The following SUGCT variants were observed in gnomAD, a reference collection of about 807,000 sequenced individuals.
SUGCT encodes the protein succinyl-CoA:glutarate-CoA transferase, also known as succinyl-CoA:glutarate CoA-transferase.
SUGCT carries 41 observed loss-of-function variants against 55.0 expected under a neutral mutation model. The ratio of observed to expected loss-of-function variants is 0.74; its 90% CI spans 0.58 to 0.97. The LOEUF is 0.97. Among genes scored for constraint, SUGCT ranks in the 50% least tolerant of loss-of-function variants. The probability of loss-of-function intolerance (pLI) is 0.00; values close to 1 mark genes in which losing one functional copy is unlikely to be tolerated. For missense variants in SUGCT, 568 were observed against 547.8 expected, an observed-to-expected ratio of 1.04 and a Z score of -0.37; for synonymous variants, 187 against 200.4, an observed-to-expected ratio of 0.93 and a Z score of 0.56.
At chr7:40,546,105 C>G (rs943216253) in intron 12 of SUGCT, among the ~76,000 whole-genome samples, 1 of 152,154 alleles carries the variant, frequency 6.6e-6, no homozygotes, top group Non-Finnish European at 1.5e-5. Flanking sequence ...TTTAACAACA[C>G]TCTTTCCTCC....
the SUGCT span, among the ~76,000 whole-genome samples, chr7:40,902,173 G>C: frequency 6.6e-6 from 1 of 152,200 alleles, no homozygotes; most frequent in Non-Finnish European, 1.5e-5. Context: ...GTTCAGGCTG[G>C]TTTCCCTGCA....
intron 12 of SUGCT, among the ~76,000 whole-genome samples, chr7:40,592,659 T>C (rs185105199): frequency 2.0e-5 from 3 of 152,280 alleles, no homozygotes; most frequent in African/African-American, 4.8e-5. Context: ...AGATTCCGTA[T>C]TTGGGTTCTG....
Position 40,520,781 on chromosome 7 carries a change from A to G in SUGCT, c.1089+24395A>G, listed in dbSNP as rs530086279. Among the ~76,000 whole-genome samples the G allele has an allele frequency of 1.2e-4, 18 of 152,212 alleles. No homozygotes were observed. The South Asian group carries it at 2.1e-3, about 18-fold the overall frequency. On this transcript the variant is annotated intron_variant, in intron 12 of 13. Coordinates refer to ENST00000335693, the MANE Select transcript of SUGCT (RefSeq NM_001193313.2). ...AGCATTTCAATTAAAAAAATAATAA[A>G]TTGGCAGCACATCCATGTGCCTCTG...
At chr7:40,241,504 G>T (rs1378716451) in intron 7 of SUGCT, among the ~76,000 whole-genome samples, 1 of 151,778 alleles carries the variant, frequency 6.6e-6, no homozygotes, top group East Asian at 1.9e-4. Flanking sequence ...GGTTGAACCC[G>T]GGAGGTGGAG....
intron 1 of SUGCT, among the ~76,000 whole-genome samples, chr7:40,158,340 AT>A (rs1215351208): frequency 6.6e-6 from 1 of 152,244 alleles, no homozygotes; most frequent in East Asian, 1.9e-4. Context: ...GCATTAAGTT[AT>A]GCTTATAAAA....
At chr7:40,547,204 C>T (rs73689816) in intron 12 of SUGCT, among the ~76,000 whole-genome samples, 3,199 of 152,198 alleles carry the variant, frequency 0.021, 107 homozygotes, top group African/African-American at 0.069. Context: ...ACTCAAACAG[C>T]GAGGCAAGCA....
intron 1 of SUGCT, chr7:40,153,890 C>A (rs1690851810): frequency 2.7e-6 from 1 of 374,836 alleles, no homozygotes; most frequent in South Asian, 2.5e-5. Context: ...AAGATGGGAT[C>A]CAAGAAGAGA....
chr7:40,135,052 T>C lies in SUGCT; in HGVS notation c.32T>C (p.Leu11Pro), dbSNP rs966633365. The C allele has an allele frequency of 1.9e-6, 3 of 1,561,720 alleles. No individual in the cohort carries two copies. Among genetic ancestry groups the C allele is most frequent in the Non-Finnish European group, 2.6e-6 (3 of 1,154,476 alleles). The change falls in exon 1 of 14, where the codon CTG becomes CCG. Residue 11 changes from leucine to proline, a missense_variant. Physicochemically the swap from Leu to Pro is moderately conservative, Grantham distance 98. Transcript: ENST00000335693. MLATLARVAA[L>P]RRTCLFSGRG... ...GCGACGCTGGCGAGGGTGGCAGCTC[T>C]GCGCAGAACCTGCCTCTTCTCCGGC...
chr7:40,737,079 A>C (rs1177142449), intron 12 of SUGCT, among the ~76,000 whole-genome samples: 2 of 152,170 alleles, frequency 1.3e-5, no homozygotes, highest in Admixed American at 1.3e-4. Context: ...CTATGTACTG[A>C]GGCACTCATG....
the SUGCT span, among the ~76,000 whole-genome samples, chr7:41,011,205 C>T: frequency 6.6e-6 from 1 of 152,132 alleles, no homozygotes; most frequent in African/African-American, 2.4e-5. Flanking sequence ...GAAGTCCAGC[C>T]ATCCAGATGA....
At chr7:40,870,991 A>G in the SUGCT span, among the ~76,000 whole-genome samples, 5 of 152,178 alleles carry the variant, frequency 3.3e-5, no homozygotes, top group African/African-American at 9.6e-5. Context: ...CAAGATGTTC[A>G]GGATCATGTT....
chr7:40,189,691 G>T, intron 5 of SUGCT, 97 bp downstream of exon 5: 1 of 505,098 alleles, frequency 2.0e-6, no homozygotes, highest in South Asian at 4.1e-5. Context: ...TTTTATGGGT[G>T]ATCTGTACGT....
At chr7:40,640,817 C>T (rs1315096271) in intron 12 of SUGCT, among the ~76,000 whole-genome samples, 1 of 152,172 alleles carries the variant, frequency 6.6e-6, no homozygotes, top group Admixed American at 6.5e-5. Context: ...AGGTTTAGGT[C>T]CTTTGCCAAA....
At chr7:40,822,783 C>T (rs1196943659) in intron 13 of SUGCT, among the ~76,000 whole-genome samples, 1 of 151,950 alleles carries the variant, frequency 6.6e-6, no homozygotes, top group Non-Finnish European at 1.5e-5. Flanking sequence ...TGGAGAAATC[C>T]TGAAAGAGAT....
chr7:40,490,779 C>T (rs1334675082), intron 11 of SUGCT, among the ~76,000 whole-genome samples: 1 of 152,054 alleles, frequency 6.6e-6, no homozygotes, highest in East Asian at 1.9e-4. Flanking sequence ...TAAATTGAAA[C>T]ATGATGTTTT....
chr7:40,909,507 G>A, the SUGCT span, among the ~76,000 whole-genome samples: 12 of 152,184 alleles, frequency 7.9e-5, no homozygotes, highest in Non-Finnish European at 1.6e-4. Context: ...AGTGAAACAT[G>A]AATACAACTG....
chr7:40,280,681 A>G (rs1205927108), intron 8 of SUGCT, among the ~76,000 whole-genome samples: 4 of 152,230 alleles, frequency 2.6e-5, no homozygotes, highest in Non-Finnish European at 5.9e-5. Context: ...CAAGTAATCT[A>G]AAATTCATTG....
chr7:40,820,798 A>C (rs112720763), intron 13 of SUGCT, among the ~76,000 whole-genome samples: 80 of 152,272 alleles, frequency 5.3e-4, no homozygotes, highest in Non-Finnish European at 8.5e-4. Context: ...TTCCAACACT[A>C]TGTTGAATAG....
chr7:40,996,887 A>C, the SUGCT span, among the ~76,000 whole-genome samples: 1 of 152,232 alleles, frequency 6.6e-6, no homozygotes, highest in African/African-American at 2.4e-5. Flanking sequence ...CAATCATCAG[A>C]TGAATGGGGA....
Sources: allele counts gnomAD v4.1 joint callset (sites outside exome capture counted in the v4.1 genomes callset), GRCh38; gene constraint gnomAD v4.1.1; transcripts MANE v1.5; gene names NCBI Gene and HGNC (gene_info 2026-07-23, HGNC 2026-07-21).